The following NR6A1 variants were observed in gnomAD, a reference collection of about 807,000 sequenced individuals.
NR6A1 encodes the protein nuclear receptor subfamily 6 group A member 1.
Under a neutral mutation model 59.1 loss-of-function variants are expected in NR6A1, and 7 were observed. The observed-to-expected ratio is 0.12, with a 90% CI of 0.07 to 0.22. The LOEUF (loss-of-function observed/expected upper bound fraction) is 0.22, where lower values mean the gene tolerates loss of function less well. Ranked by LOEUF, NR6A1 falls within the 10% of genes least tolerant of loss-of-function variation. NR6A1 has a pLI of 1.00. For missense variants in NR6A1, 468 were observed against 611.6 expected, an observed-to-expected ratio of 0.77 and a Z score of 2.48; for synonymous variants, 243 against 236.1, an observed-to-expected ratio of 1.03 and a Z score of -0.27.
chr9:124,611,774 A>AGAGAGAGAAT (rs1554733164), intron 2 of NR6A1, among the ~76,000 whole-genome samples: 2,946 of 104,238 alleles, frequency 0.028, 183 homozygotes, highest in African/African-American at 0.089. Context: ...AGAGAGAGAG[A>AGAGAGAGAAT]GAGAGAGAAT....
At chr9:124,650,158 T>A (rs1178068571) in intron 2 of NR6A1, among the ~76,000 whole-genome samples, 1 of 152,172 alleles carries the variant, frequency 6.6e-6, no homozygotes, top group Non-Finnish European at 1.5e-5. Flanking sequence ...TGCACCACTA[T>A]TCACAACAGC....
chr9:124,608,354 C>T (rs957178897), intron 2 of NR6A1, among the ~76,000 whole-genome samples: 5 of 151,904 alleles, frequency 3.3e-5, no homozygotes, highest in Non-Finnish European at 7.4e-5. Flanking sequence ...TGTGTGTTCA[C>T]GTTGTTTAGC....
intron 2 of NR6A1, among the ~76,000 whole-genome samples, chr9:124,732,713 T>G (rs564310025): frequency 6.6e-6 from 1 of 151,958 alleles, no homozygotes; most frequent in East Asian, 1.9e-4. Flanking sequence ...TTTTTTTTTT[T>G]GAGGTGGAGT....
chr9:124,611,774 A>AGAGAGAGAGAGAGAAT (rs148472095), intron 2 of NR6A1, among the ~76,000 whole-genome samples: 1,066 of 105,618 alleles, frequency 0.01, 39 homozygotes, highest in African/African-American at 0.019. Context: ...AGAGAGAGAG[A>AGAGAGAGAGAGAGAAT]GAGAGAGAAT....
At chr9:124,743,559 C>G (rs1466986954) in intron 1 of NR6A1, among the ~76,000 whole-genome samples, 1 of 152,200 alleles carries the variant, frequency 6.6e-6, no homozygotes, top group Admixed American at 6.5e-5. Context: ...TTAATAACTT[C>G]CATCTGATCA....
rs1028635674 is a variant in NR6A1 at position 124,585,568 on chromosome 9, G to C, written c.143-30998C>G. 3.0e-5 allele frequency among the ~76,000 whole-genome samples: 4 copies of C among 132,274 alleles called. 1 individual carries two copies. Among genetic ancestry groups the C allele is most frequent in the South Asian group, 5.9e-4 (2 of 3,376 alleles). 86.8% of individuals were successfully genotyped at this position (132,274 alleles called of 152,430 possible). On this transcript the variant is annotated intron_variant, in intron 2 of 9. Coordinates refer to ENST00000487099, the MANE Select transcript of NR6A1 (RefSeq NM_033334.4). ...CAAAAAAAAAAAAAAAGGGGGGGGG[G>C]GGCAAGGTGAAGCAGCAAGTGCTGA...
chr9:124,733,613 GC>G (rs1166980049), intron 1 of NR6A1, among the ~76,000 whole-genome samples: 1 of 152,160 alleles, frequency 6.6e-6, no homozygotes, highest in Non-Finnish European at 1.5e-5. Flanking sequence ...CATAGGCCTT[GC>G]CACACAGTAG....
At position 124,582,383 on chromosome 9, in the gene NR6A1, T is replaced by C. The variant is rs146009985; in HGVS notation, c.143-27813A>G. ...TAAATGATGAGAACACACGGACACA[T>C]AGAGGGGAACAACACACACTGGGGC... On this transcript the variant is annotated intron_variant, in intron 2 of 9. Transcript: ENST00000487099. 1.4e-3 allele frequency among the ~76,000 whole-genome samples: 207 copies of C among 151,922 alleles called. 1 individual carries two copies. Among genetic ancestry groups the C allele is most frequent in the African/African-American group, 4.7e-3 (194 of 41,396 alleles).
intron 2 of NR6A1, among the ~76,000 whole-genome samples, chr9:124,688,129 C>T (rs10986398): frequency 6.6e-6 from 1 of 152,108 alleles, no homozygotes; most frequent in East Asian, 1.9e-4. Context: ...TGAGACCAGC[C>T]TGGGGAACAT....
intron 2 of NR6A1, among the ~76,000 whole-genome samples, chr9:124,656,987 A>G (rs1366410174): frequency 6.6e-6 from 1 of 152,166 alleles, no homozygotes; most frequent in Non-Finnish European, 1.5e-5. Context: ...GATGGTGGTG[A>G]AGGCTGCAAA....
chr9:124,556,043 G>A (rs1053465995), intron 2 of NR6A1, among the ~76,000 whole-genome samples: 1 of 152,172 alleles, frequency 6.6e-6, no homozygotes, highest in African/African-American at 2.4e-5. Flanking sequence ...TTTGAGATGA[G>A]TCTTTATGAT....
chr9:124,687,999 T>C (rs775048928), intron 2 of NR6A1, among the ~76,000 whole-genome samples: 2 of 152,132 alleles, frequency 1.3e-5, no homozygotes, highest in East Asian at 3.8e-4. Context: ...TAACAATAAC[T>C]GATAATAAAA....
At chr9:124,743,741 G>C in intron 1 of NR6A1, among the ~76,000 whole-genome samples, 1 of 152,188 alleles carries the variant, frequency 6.6e-6, no homozygotes, top group East Asian at 1.9e-4. Flanking sequence ...AGAATCAAAA[G>C]GTGAAAACGG....
intron 2 of NR6A1, among the ~76,000 whole-genome samples, chr9:124,577,993 T>A (rs1834655157): frequency 6.6e-6 from 1 of 152,230 alleles, no homozygotes; most frequent in Non-Finnish European, 1.5e-5. Flanking sequence ...GAACATTTGC[T>A]AAATGAATGG....
chr9:124,713,260 G>T (rs979027201), intron 2 of NR6A1, among the ~76,000 whole-genome samples: 3 of 151,156 alleles, frequency 2.0e-5, no homozygotes, highest in Non-Finnish European at 4.4e-5. Context: ...ACTCAAAATC[G>T]ATCAAAGACT....
chr9:124,562,947 TA>T (rs1834122927), intron 2 of NR6A1, among the ~76,000 whole-genome samples: 1 of 152,188 alleles, frequency 6.6e-6, no homozygotes, highest in Non-Finnish European at 1.5e-5. Flanking sequence ...AAGAGATTTA[TA>T]AAGGAATCTA....
intron 1 of NR6A1, among the ~76,000 whole-genome samples, chr9:124,770,739 CG>C (rs1372285933): frequency 9.1e-5 from 1 of 10,970 alleles, no homozygotes; most frequent in Non-Finnish European, 1.9e-4. Flanking sequence ...GCAGAGGGGA[CG>C]GGGGGAGGGG....
intron 2 of NR6A1, among the ~76,000 whole-genome samples, chr9:124,610,316 G>A (rs1835702241): frequency 6.6e-6 from 1 of 152,164 alleles, no homozygotes; most frequent in Non-Finnish European, 1.5e-5. Flanking sequence ...ATGAAGGGAT[G>A]TTGAATTTTA....
At position 124,526,772 on chromosome 9, in the gene NR6A1, C is replaced by A; in HGVS notation, c.1201+7G>T. ...CAAACGTCCCTTTTCCCACCCCAGC[C>A]ACTCACCTTGATTTAGGAAGTTAAT... On this transcript the variant is annotated splice_region_variant and intron_variant, in intron 8 of 9. Coordinates refer to ENST00000487099, the MANE Select transcript of NR6A1 (RefSeq NM_033334.4). The A allele has an allele frequency of 6.2e-7, 1 of 1,612,966 alleles. No homozygotes were observed. Among genetic ancestry groups the A allele is most frequent in the South Asian group, 1.1e-5 (1 of 91,026 alleles).
Sources: allele counts gnomAD v4.1 joint callset (sites outside exome capture counted in the v4.1 genomes callset), GRCh38; gene constraint gnomAD v4.1.1; transcripts MANE v1.5; gene names NCBI Gene and HGNC (gene_info 2026-07-23, HGNC 2026-07-21).